Variants in SH3RF3 observed in about 807,000 individuals in gnomAD.
SH3RF3 encodes E3 ubiquitin-protein ligase SH3RF3.
Under a neutral mutation model 66.3 loss-of-function variants are expected in SH3RF3, and 29 were observed. The ratio of observed to expected loss-of-function variants is 0.44; its 90% confidence interval spans 0.33 to 0.60. The LOEUF (loss-of-function observed/expected upper bound fraction) is 0.60, where lower values mean the gene tolerates loss of function less well. SH3RF3 is among the 20% of genes least tolerant of loss of function. The pLI, the probability that SH3RF3 is intolerant of heterozygous loss-of-function variation, is 0.04. For missense variants in SH3RF3, 1,194 were observed against 1,190.9 expected (o/e 1.00, Z -0.04); for synonymous variants, 583 against 532.0 (o/e 1.10, Z -1.32).
chr2:109,389,907 G>A (rs566754627), intron 3 of SH3RF3, among the ~76,000 whole-genome samples: 8 of 152,208 alleles, frequency 5.3e-5, no homozygotes, highest in Non-Finnish European at 1.2e-4. Flanking sequence ...TGGGTGGAGC[G>A]GCCATCTGCC....
chr2:109,309,360 A>C (rs1027052771), intron 1 of SH3RF3, among the ~76,000 whole-genome samples: 1 of 150,074 alleles, frequency 6.7e-6, no homozygotes, highest in African/African-American at 2.5e-5. Flanking sequence ...AGCGCTAAAC[A>C]TGGAAAGGAA....
At chr2:109,455,118 A>C (rs1237048055) in intron 8 of SH3RF3, among the ~76,000 whole-genome samples, 2 of 152,164 alleles carry the variant, frequency 1.3e-5, no homozygotes, top group African/African-American at 4.8e-5. Flanking sequence ...TGGCATGGGA[A>C]TGCTGGCCTC....
intron 1 of SH3RF3, among the ~76,000 whole-genome samples, chr2:109,202,280 C>T (rs1678693605): frequency 6.6e-6 from 1 of 152,158 alleles, no homozygotes; most frequent in South Asian, 2.1e-4. Context: ...AGGTCCATCT[C>T]GGCAGCGTCT....
Position 109,137,053 on chromosome 2 carries a change from A to G in SH3RF3, c.573+6940A>G, listed in dbSNP as rs1004341984. ...TGGGGGCTCCAGGGACAGCGATTGC[A>G]TTGGTCTCTATTTATAATGAAATGT... On this transcript the variant is annotated intron_variant, in intron 1 of 9. Transcript: ENST00000309415. 5.9e-5 allele frequency among the ~76,000 whole-genome samples: 9 copies of G among 152,218 alleles called. No individual in the cohort carries two copies. The South Asian group carries it at 8.3e-4, about 14-fold the overall frequency.
intron 2 of SH3RF3, among the ~76,000 whole-genome samples, 154 bp from the exon 3 acceptor site, chr2:109,371,432 G>A (rs1407291008): frequency 6.6e-6 from 1 of 152,226 alleles, no homozygotes; most frequent in East Asian, 1.9e-4. Flanking sequence ...GCTCCTGGGT[G>A]AAGATGTCAG....
chr2:109,364,243 T>C (rs1261786101), intron 2 of SH3RF3, among the ~76,000 whole-genome samples: 1 of 152,098 alleles, frequency 6.6e-6, no homozygotes, highest in Non-Finnish European at 1.5e-5. Context: ...TCAGAGAGTC[T>C]TTCCTCAACT....
At chr2:109,291,044 G>C (rs1316527695) in intron 1 of SH3RF3, among the ~76,000 whole-genome samples, 3 of 152,162 alleles carry the variant, frequency 2.0e-5, no homozygotes, top group Non-Finnish European at 4.4e-5. Context: ...TCATGTGCTG[G>C]GGTAATGCTT....
intron 1 of SH3RF3, among the ~76,000 whole-genome samples, chr2:109,172,828 A>T (rs1175288682): frequency 6.6e-6 from 1 of 152,234 alleles, no homozygotes; most frequent in Non-Finnish European, 1.5e-5. Flanking sequence ...CGAAGCCTCG[A>T]CTGGTGAGTA....
intron 1 of SH3RF3, among the ~76,000 whole-genome samples, chr2:109,157,636 T>C (rs6734541): frequency 0.83 from 126,452 of 152,116 alleles, 52,718 homozygotes; most frequent in East Asian, 0.89. Context: ...GTGTGCTTCC[T>C]AGCCACCTGA....
chr2:109,428,934 A>G (rs1257020466), intron 5 of SH3RF3, among the ~76,000 whole-genome samples: 2 of 152,166 alleles, frequency 1.3e-5, no homozygotes, highest in Admixed American at 6.5e-5. Context: ...ACCCAGGTGC[A>G]TGTGTCTACG....
chr2:109,458,086 C>A (rs1360567204), intron 8 of SH3RF3, among the ~76,000 whole-genome samples: 1 of 152,164 alleles, frequency 6.6e-6, no homozygotes, highest in African/African-American at 2.4e-5. Context: ...TCTGTAACCT[C>A]AAGGGAATAA....
intron 7 of SH3RF3, among the ~76,000 whole-genome samples, chr2:109,438,248 G>A (rs1677467079): frequency 6.6e-6 from 1 of 152,188 alleles, no homozygotes; most frequent in Non-Finnish European, 1.5e-5. Flanking sequence ...ACCCAAGTGG[G>A]TGCAGGGTAG....
At chr2:109,299,151 C>G (rs1158656690) in intron 1 of SH3RF3, among the ~76,000 whole-genome samples, 3 of 152,242 alleles carry the variant, frequency 2.0e-5, no homozygotes, top group African/African-American at 7.2e-5. Flanking sequence ...TGGGTGTTGC[C>G]TCCATGCCAC....
chr2:109,227,966 A>C (rs1307045627), intron 1 of SH3RF3, among the ~76,000 whole-genome samples: 1 of 152,170 alleles, frequency 6.6e-6, no homozygotes, highest in Non-Finnish European at 1.5e-5. Flanking sequence ...TTTCTGGCTC[A>C]AGGGGCATGG....
chr2:109,189,569 A>C (rs771362012), intron 1 of SH3RF3, among the ~76,000 whole-genome samples: 1 of 151,730 alleles, frequency 6.6e-6, no homozygotes, highest in Non-Finnish European at 1.5e-5. Flanking sequence ...GGGTTTCACT[A>C]TATTGGAAAG....
At chr2:109,191,634 G>A (rs1015805761) in intron 1 of SH3RF3, among the ~76,000 whole-genome samples, 1 of 152,158 alleles carries the variant, frequency 6.6e-6, no homozygotes. Context: ...TGCAGCAAGA[G>A]CAGTCCCAAT....
chr2:109,136,849 A>G (rs1051595136), intron 1 of SH3RF3, among the ~76,000 whole-genome samples: 5 of 152,186 alleles, frequency 3.3e-5, no homozygotes, highest in Non-Finnish European at 7.4e-5. Context: ...GCACCGGGGC[A>G]CCTGTAAATG....
chr2:109,475,081 G>A (rs752585666), intron 8 of SH3RF3, among the ~76,000 whole-genome samples: 10 of 152,232 alleles, frequency 6.6e-5, no homozygotes, highest in African/African-American at 2.4e-4. Context: ...AGGTTCGAGC[G>A]ATCCTCCTGC....
intron 1 of SH3RF3, among the ~76,000 whole-genome samples, chr2:109,199,221 T>C (rs1678580569): frequency 6.8e-6 from 1 of 148,020 alleles, no homozygotes; most frequent in Admixed American, 6.8e-5. Context: ...TAGCCAGGCG[T>C]GGTGGCGGGT....
Sources: allele counts gnomAD v4.1 joint callset (sites outside exome capture counted in the v4.1 genomes callset), GRCh38; gene constraint gnomAD v4.1.1; transcripts MANE v1.5; gene names NCBI Gene and HGNC (gene_info 2026-07-23, HGNC 2026-07-21).